The following RAP1GAP variants were observed in gnomAD, a reference collection of about 807,000 sequenced individuals.
RAP1GAP encodes the protein RAP1 GTPase activating protein.
A neutral mutation model predicts 87.2 loss-of-function variants in RAP1GAP; 35 were observed. The ratio of observed to expected loss-of-function variants is 0.40; its 90% CI spans 0.31 to 0.53. The LOEUF (loss-of-function observed/expected upper bound fraction) is 0.53, where lower values mean the gene tolerates loss of function less well. Among genes scored for constraint, RAP1GAP ranks in the 20% least tolerant of loss-of-function variants. The probability of loss-of-function intolerance (pLI) is 0.48; values close to 1 mark genes in which losing one functional copy is unlikely to be tolerated. For missense variants in RAP1GAP, 734 were observed against 898.9 expected, an observed-to-expected ratio of 0.82 and a Z score of 2.35; for synonymous variants, 375 against 363.9, an observed-to-expected ratio of 1.03 and a Z score of -0.35.
At chr1:21,618,881 C>T in intron 5 of RAP1GAP, 144 bp downstream of exon 5, 1 of 950,086 alleles carries the variant, frequency 1.1e-6, no homozygotes. Flanking sequence ...GAAGCTGTGC[C>T]TCCCCCCCTA....
chr1:21,601,022 CT>C (rs139287802), intron 20 of RAP1GAP, among the ~76,000 whole-genome samples: 37 of 141,806 alleles, frequency 2.6e-4, no homozygotes, highest in South Asian at 4.6e-4. Context: ...CTCAGATACT[CT>C]TTTTTTTTTT....
chr1:21,659,231 C>T (rs2096998811), intron 1 of RAP1GAP, among the ~76,000 whole-genome samples: 1 of 152,172 alleles, frequency 6.6e-6, no homozygotes, highest in African/African-American at 2.4e-5. Context: ...AACGTGTTCT[C>T]TAATGGGTCC....
Position 21,620,024 on chromosome 1 carries a change from C to T in RAP1GAP, c.9G>A (p.Glu3=), listed in dbSNP as rs370611784. The T allele has an allele frequency of 5.3e-5, 85 of 1,613,898 alleles. No homozygotes were observed. Among genetic ancestry groups the T allele is most frequent in the Non-Finnish European group, 7.0e-5 (83 of 1,179,966 alleles). The change falls in exon 4 of 25, where the codon GAG becomes GAA. Residue 3 remains glutamate, a synonymous_variant. Transcript: ENST00000374765. The stretch of plus-strand genomic sequence containing the variant: ...ACAGAGCCATCCTCACCTGCATCTT[C>T]TCAATCATCTCAAATAGATCTGTGT... The part of the protein sequence containing the change: MI[E]KMQGSRMDEQ...
At chr1:21,664,381 G>A (rs1044408995) in intron 1 of RAP1GAP, among the ~76,000 whole-genome samples, 2 of 152,120 alleles carry the variant, frequency 1.3e-5, no homozygotes, top group Non-Finnish European at 2.9e-5. Flanking sequence ...CGTGTATCCT[G>A]CATTGATTTT....
intron 17 of RAP1GAP, among the ~76,000 whole-genome samples, chr1:21,606,701 A>G (rs1336244687): frequency 1.3e-5 from 2 of 151,824 alleles, no homozygotes; most frequent in African/African-American, 4.8e-5. Context: ...ACCAATCTAC[A>G]CCAAATGCTT....
chr1:21,658,556 C>A (rs2096957657), intron 1 of RAP1GAP, among the ~76,000 whole-genome samples: 1 of 151,234 alleles, frequency 6.6e-6, no homozygotes, highest in Non-Finnish European at 1.5e-5. Context: ...GTTTTTGAGA[C>A]TCTGTCTCAA....
rs549101107 is a variant in RAP1GAP, at chr1:21,634,756, A to C, written c.-112-8359T>G. ...ACAGCATCTGGGAACCAGGCCACCC[A>C]TTTACCTGCTGTCTATCCAGCATCT... On this transcript the variant is annotated intron_variant, in intron 2 of 24. Transcript: ENST00000374765. The surrounding 1 kb of genome is among the most constrained non-coding windows in gnomAD (Gnocchi z 4.1). 1 of 475,032 alleles carries C rather than the reference A, an allele frequency of 2.1e-6. No homozygotes were observed. The highest frequency in any genetic ancestry group is 2.1e-5 in the Admixed American group (1 of 47,470). The allele number at this position is 475,032 out of a possible 1,614,324, so 29.4% of individuals were successfully genotyped here. A position where few individuals can be genotyped will look rare whatever the true frequency, so the allele number is the denominator to read the frequency against.
chr1:21,632,801 T>G (rs2094017358), intron 2 of RAP1GAP, among the ~76,000 whole-genome samples: 1 of 152,074 alleles, frequency 6.6e-6, no homozygotes, highest in African/African-American at 2.4e-5. Flanking sequence ...CTCAGGAGGC[T>G]GAGGTGGGAG....
At position 21,614,000 on chromosome 1, in the gene RAP1GAP, C is replaced by T. The variant is rs776128719; in HGVS notation, c.381G>A (p.Leu127=). The stretch of plus-strand genomic sequence containing the variant: ...ACCACCCTCACCTGAGCAGCAGCCG[C>T]AGGTGCTCTTGGTCCCCGATGACAT... ...KYDVIGDQEH[L]RLLLRTKCRT... Residue 127 remains leucine, a synonymous_variant, in exon 8 of 25, where the codon CTG becomes CTA. Transcript: ENST00000374765. This position sits in a 1 kb window ranked among gnomAD's most constrained non-coding sequence, Gnocchi z 4.7. The T allele has an allele frequency of 2.5e-6, 4 of 1,610,658 alleles. No homozygotes were observed. Among genetic ancestry groups the T allele is most frequent in the South Asian group, 1.1e-5 (1 of 90,554 alleles).
intron 3 of RAP1GAP, among the ~76,000 whole-genome samples, chr1:21,624,835 T>A (rs2091151788): frequency 1.3e-5 from 1 of 78,738 alleles, no homozygotes; most frequent in Admixed American, 1.7e-4. Context: ...GGCCCAGGGC[T>A]ATGGGCTGCT....
intron 1 of RAP1GAP, chr1:21,653,369 G>C (rs2096706697): frequency 6.6e-6 from 1 of 152,642 alleles, no homozygotes; most frequent in Non-Finnish European, 1.5e-5. Flanking sequence ...TATGTCCCTT[G>C]GTTTTCAGTC....
intron 1 of RAP1GAP, among the ~76,000 whole-genome samples, chr1:21,658,946 T>TG (rs1464714629): frequency 6.6e-6 from 1 of 150,856 alleles, no homozygotes; most frequent in Non-Finnish European, 1.5e-5. Context: ...GAACGCTTTT[T>TG]TTTTTTTTTT....
At position 21,608,155 on chromosome 1, in the gene RAP1GAP, G is replaced by C. The variant is rs899672924; in HGVS notation, c.1296+58C>G. On this transcript the variant is annotated intron_variant, in intron 17 of 24. Coordinates refer to ENST00000374765, the MANE Select transcript of RAP1GAP (RefSeq NM_002885.4). The stretch of plus-strand genomic sequence containing the variant: ...TCCATCAGTCTATCAGCCTCAGCCC[G>C]GGATTCCGCCCTAGCCACGTCCCTG... 4.4e-6 allele frequency: 7 copies of C among 1,586,272 alleles called. No individual in the cohort carries two copies. The African/African-American group carries it at 5.4e-5, about 12-fold the overall frequency.
intron 20 of RAP1GAP, among the ~76,000 whole-genome samples, chr1:21,600,002 A>G (rs774099128): frequency 6.6e-5 from 10 of 152,076 alleles, no homozygotes; most frequent in Non-Finnish European, 1.3e-4. Flanking sequence ...GAATTATCTT[A>G]TCGCTATGAT....
At position 21,668,529 on chromosome 1, in the gene RAP1GAP, T is replaced by TGTGC. The variant is rs1340263850; in HGVS notation, c.-149+721_-149+724dup. ...CGCTCACCTCCGGAGACTGTGTGTG[T>TGTGC]GTGCAGGTGTGCGTACACAAGGTTT... On this transcript the variant is annotated intron_variant, in intron 1 of 24. Transcript: ENST00000374765. The surrounding 1 kb of genome is among the most constrained non-coding windows in gnomAD (Gnocchi z 6.2). 8 of 152,438 alleles carry TGTGC rather than the reference T, an allele frequency of 5.2e-5. No individual in the cohort carries two copies. Among genetic ancestry groups the TGTGC allele is most frequent in the African/African-American group, 1.7e-4 (7 of 41,450 alleles). 9.4% of individuals were successfully genotyped at this position (152,438 alleles called of 1,614,324 possible).
Position 21,623,941 on chromosome 1 carries a change from C to T in RAP1GAP, c.-19+2363G>A, listed in dbSNP as rs140647218. On this transcript the variant is annotated intron_variant, in intron 3 of 24. Transcript: ENST00000374765. Reference sequence around the variant, plus strand: ...GTGCGTGTGTGTGAGACTCCACGACCGGATGTGGCTGTATGTATGTGGGCA... The same window carrying T: ...GTGCGTGTGTGTGAGACTCCACGACTGGATGTGGCTGTATGTATGTGGGCA... Among the ~76,000 whole-genome samples the T allele has an allele frequency of 2.1e-3, 325 of 152,246 alleles. 2 individuals are homozygous for T. Among genetic ancestry groups the T allele is most frequent in the African/African-American group, 7.3e-3 (303 of 41,514 alleles).
Position 21,603,821 on chromosome 1 carries a change from C to G in RAP1GAP, c.1429-908G>C. 6.2e-7 allele frequency: 1 copy of G among 1,610,598 alleles called. No individual in the cohort carries two copies. Among genetic ancestry groups the G allele is most frequent in the South Asian group, 1.1e-5 (1 of 90,860 alleles). ...CAGGCAGCCTCCAGAGCCGGCGGCC[C>G]CGCGGACGACAACCTCTTCCACGGT... On this transcript the variant is annotated intron_variant, in intron 18 of 24. Coordinates refer to ENST00000374765, the MANE Select transcript of RAP1GAP (RefSeq NM_002885.4). The surrounding 1 kb of genome is among the most constrained non-coding windows in gnomAD (Gnocchi z 6.0).
intron 2 of RAP1GAP, among the ~76,000 whole-genome samples, chr1:21,637,972 CAAAAAAA>C (rs35411110): frequency 1.4e-5 from 1 of 70,152 alleles, no homozygotes; most frequent in African/African-American, 5.9e-5. Flanking sequence ...CCATCTCTAC[CAAAAAAA>C]AAAAAAAAAA....
intron 1 of RAP1GAP, among the ~76,000 whole-genome samples, chr1:21,662,076 T>C (rs567404435): frequency 6.6e-6 from 1 of 152,220 alleles, no homozygotes; most frequent in South Asian, 2.1e-4. Context: ...CATACAGACC[T>C]CTCAGGACCA....
Sources: gnomAD v4.1 joint callset for allele counts (sites outside exome capture counted in the v4.1 genomes callset) on GRCh38, gnomAD v4.1.1 for gene constraint, Gnocchi (gnomAD v3.1) non-coding constraint, MANE v1.5 for transcripts, NCBI Gene and HGNC (gene_info 2026-07-23, HGNC 2026-07-21) for gene names.